Variants in MTMR11 observed in about 807,000 individuals in gnomAD.
MTMR11 encodes myotubularin related protein 11, also known as myotubularin-related protein 11.
Under a neutral mutation model 100.0 loss-of-function variants are expected in MTMR11, and 89 were observed. The ratio of observed to expected loss-of-function variants is 0.89; its 90% CI spans 0.75 to 1.06. The LOEUF (loss-of-function observed/expected upper bound fraction) is 1.06. MTMR11 is among the 50% of genes least tolerant of loss of function. The pLI is 0.00. For synonymous variants in MTMR11, 336 were observed against 326.3 expected (o/e 1.03, Z -0.32); for missense variants, 809 against 873.7 (o/e 0.93, Z 0.93).
chr1:149,936,061 G>A, intron 2 of MTMR11, 93 bp downstream of exon 2: 1 of 1,366,836 alleles, frequency 7.3e-7, no homozygotes, highest in Non-Finnish European at 1.0e-6. Context: ...CGAGCCACGA[G>A]AGGAACACAG....
intron 3 of MTMR11, 61 bp from the exon 4 acceptor site, chr1:149,935,420 G>T: frequency 3.8e-6 from 6 of 1,598,482 alleles, no homozygotes; most frequent in Non-Finnish European, 5.1e-6. Flanking sequence ...TACCCTGGCA[G>T]CCCCAACCCC....
At position 149,935,631 on chromosome 1, in the gene MTMR11, T is replaced by C. The variant is rs782063990; in HGVS notation, c.217A>G (p.Thr73Ala). ...EPELSGTLIC[T>A]NFRVTFQPCG... ...GGCTGGAAGGTGACCCTAAAGTTGG[T>C]ACAGATCAGGGTTCCAGACAATTCT... is the stretch of plus-strand genomic sequence containing the variant. Residue 73 changes from threonine to alanine, a missense_variant, in exon 3 of 17, where the codon ACC (threonine) becomes GCC (alanine). Physicochemically the swap from Thr to Ala is moderately conservative, Grantham distance 58 (BLOSUM62 0). Transcript: ENST00000439741. 6.2e-7 allele frequency: 1 copy of C among 1,614,108 alleles called. No individual in the cohort carries two copies. The highest frequency in any genetic ancestry group is 1.1e-5 in the South Asian group (1 of 91,078).
In MTMR11 at chr1:149,934,226, G is replaced by C. The variant is rs782040590; in HGVS notation, c.648C>G (p.Val216=). Residue 216 remains valine (V), a synonymous_variant, in exon 7 of 17, where the codon GTC becomes GTG. Coordinates refer to ENST00000439741, the MANE Select transcript of MTMR11 (RefSeq NM_001145862.2). ...CGTCGAACCTCTCGTTGACCGTGCTGACCCTCCAGCCTCTGGCTGCCTGCT... is the reference window on the plus strand; with the variant it reads ...CGTCGAACCTCTCGTTGACCGTGCTCACCCTCCAGCCTCTGGCTGCCTGCT... ...RKKQAARGWR[V]STVNERFDVA... 15 of 1,614,078 alleles carry C rather than the reference G, an allele frequency of 9.3e-6. No homozygotes were observed. Among genetic ancestry groups the C allele is most frequent in the Non-Finnish European group, 1.3e-5 (15 of 1,180,058 alleles).
intron 15 of MTMR11, 181 bp downstream of exon 15, chr1:149,930,184 T>C (rs1260196411): frequency 1.4e-6 from 1 of 709,508 alleles, no homozygotes; most frequent in Admixed American, 3.0e-5. Context: ...GGGTGCCCTC[T>C]GTGCTATTCT....
chr1:149,931,289 G>A lies in MTMR11; in HGVS notation c.1261C>T (p.Arg421Trp), dbSNP rs782708821. Residue 421 changes from arginine to tryptophan, a missense_variant, in exon 13 of 17, where the codon CGG becomes TGG. Physicochemically the swap from Arg to Trp is moderately radical, Grantham distance 101 (BLOSUM62 -3). Transcript: ENST00000439741. ...TCACTGGCCCCAGTTCCCCCAAGCC[G>A]AGTCAGGAAGGGATGTCCAGCTGCC... ...WVAAGHPFLT[R>W]LGGTGASEEA... 11 of 1,613,890 alleles carry A rather than the reference G, an allele frequency of 6.8e-6. No homozygotes were observed. The highest frequency in any genetic ancestry group is 5.3e-5 in the African/African-American group (4 of 74,864).
intron 1 of MTMR11, 36 bp downstream of exon 1, chr1:149,936,546 C>A: frequency 7.0e-7 from 1 of 1,428,734 alleles, no homozygotes; most frequent in Non-Finnish European, 9.6e-7. Context: ...CCGTTCTCAC[C>A]CTCTTGCCGA....
chr1:149,930,700 A>G, intron 14 of MTMR11, 92 bp downstream of exon 14: 3 of 1,372,540 alleles, frequency 2.2e-6, no homozygotes, highest in Non-Finnish European at 2.0e-6. Context: ...CCACTCACAG[A>G]CCTCACTTCT....
intron 4 of MTMR11, 64 bp from the exon 5 acceptor site, chr1:149,935,192 C>T (rs2092706830): frequency 6.2e-7 from 1 of 1,607,494 alleles, no homozygotes; most frequent in Admixed American, 1.7e-5. Context: ...GGGACTCTTG[C>T]AGCCCATCCC....
In MTMR11 at chr1:149,936,135, A is replaced by C; in HGVS notation, c.142+19T>G. On this transcript the variant is annotated intron_variant, in intron 2 of 16. Coordinates refer to ENST00000439741, the MANE Select transcript of MTMR11 (RefSeq NM_001145862.2). ...GGATGAAATTTGGAAGTCTTTGGAG[A>C]GTGATAGGGCATTATTACCTGGGAG... 6.2e-7 allele frequency: 1 copy of C among 1,605,984 alleles called. No individual in the cohort carries two copies. The highest frequency in any genetic ancestry group is 8.5e-7 in the Non-Finnish European group (1 of 1,172,652).
At chr1:149,936,472 A>C in intron 1 of MTMR11, 110 bp downstream of exon 1, 2 of 1,290,738 alleles carry the variant, frequency 1.5e-6, no homozygotes, top group Non-Finnish European at 2.1e-6. Context: ...AAGCTGATAG[A>C]CAGACACACC....
chr1:149,934,044 T>A, intron 7 of MTMR11, 102 bp from the exon 8 acceptor site: 1 of 1,545,494 alleles, frequency 6.5e-7, no homozygotes, highest in Non-Finnish European at 8.9e-7. Context: ...TCCAAGGGAT[T>A]TCAGGTTTAG....
At position 149,933,603 on chromosome 1, in the gene MTMR11, C is replaced by T. The variant is rs1553768173; in HGVS notation, c.860+7G>A. 5.0e-6 allele frequency: 8 copies of T among 1,614,186 alleles called. No individual in the cohort carries two copies. The highest frequency in any genetic ancestry group is 1.7e-5 in the Admixed American group (1 of 60,020). On this transcript the variant is annotated splice_region_variant and intron_variant, in intron 9 of 16. Coordinates refer to ENST00000439741, the MANE Select transcript of MTMR11 (RefSeq NM_001145862.2). ...ACCCTTGATTCTTCTCATCAAGCCT[C>T]CCTCACCTGATATCCTCCTTGTTAG... is the stretch of plus-strand genomic sequence containing the variant.
rs144158010 is a variant in MTMR11, at chr1:149,934,476, C to G, written c.519G>C (p.Gln173His). The G allele has an allele frequency of 8.1e-6, 13 of 1,614,108 alleles. No individual in the cohort carries two copies. The highest frequency in any genetic ancestry group is 1.3e-5 in the African/African-American group (1 of 74,932). Residue 173 changes from glutamine to histidine, a missense_variant, in exon 6 of 17, where the codon CAG becomes CAC. Physicochemically the swap from Gln to His is conservative, Grantham distance 24. Transcript: ENST00000439741. ...QARAQSNQAQQYSGITLSKAG... is the reference protein window; with the variant it reads ...QARAQSNQAQHYSGITLSKAG... ...CCTTGCTCAGGGTTATCCCCGAATA[C>G]TGTTGGGCTTGATTGCTCTGAGCTC...
At chr1:149,931,896 G>T in intron 12 of MTMR11, 48 bp downstream of exon 12, 2 of 1,528,134 alleles carry the variant, frequency 1.3e-6, no homozygotes, top group African/African-American at 1.4e-5. Context: ...GGTCAGGTGG[G>T]TAAAGAAAAG....
At position 149,930,465 on chromosome 1, in the gene MTMR11, C is replaced by G; in HGVS notation, c.1547G>C (p.Trp516Ser). The change falls in exon 15 of 17, where the codon TGG becomes TCG. Residue 516 changes from tryptophan to serine, a missense_variant. By Grantham distance (177) the Trp-to-Ser change is radical. Coordinates refer to ENST00000439741, the MANE Select transcript of MTMR11 (RefSeq NM_001145862.2). ...ATTGCTATAACGTAAATCCCAGTCC[C>G]AGACAGACAGCTGCAGGTTAAAAGA... The part of the protein sequence containing the change: ...GNSFNLQLSV[W>S]DWDLRYSNAQ... 1 of 1,614,034 alleles carries G rather than the reference C, an allele frequency of 6.2e-7. No homozygotes were observed. The highest frequency in any genetic ancestry group is 8.5e-7 in the Non-Finnish European group (1 of 1,179,950).
chr1:149,933,722 C>A, intron 8 of MTMR11, 24 bp from the exon 9 acceptor site: 1 of 1,613,746 alleles, frequency 6.2e-7, no homozygotes, highest in Admixed American at 1.7e-5. Context: ...AGAAGAGGGT[C>A]ATTGTGGGAG....
rs781874167 is a variant in MTMR11 at position 149,934,555 on chromosome 1, T to C, written c.469-29A>G. ...CAGAGGAAAGGACATTCCATCCTTT[T>C]GGCTTAGGCTGAGTAAGTGAAAAGA... On this transcript the variant is annotated intron_variant, in intron 5 of 16. Transcript: ENST00000439741. The C allele has an allele frequency of 5.0e-6, 8 of 1,605,788 alleles. No homozygotes were observed. The Admixed American group carries it at 1.3e-4, about 27-fold the overall frequency.
chr1:149,933,236 G>A (rs587609129), intron 10 of MTMR11, among the ~76,000 whole-genome samples, 170 bp downstream of exon 10: 6 of 152,066 alleles, frequency 3.9e-5, no homozygotes, highest in South Asian at 2.1e-4. Context: ...GATTACAAGC[G>A]TGAGCCACCA....
chr1:149,932,173 G>T, intron 11 of MTMR11, 91 bp downstream of exon 11: 1 of 1,438,216 alleles, frequency 7.0e-7, no homozygotes, highest in South Asian at 1.2e-5. Context: ...CCGAGGAGAA[G>T]AACTAAAGAA....
Sources: gnomAD v4.1 joint callset for allele counts (sites outside exome capture counted in the v4.1 genomes callset) on GRCh38, gnomAD v4.1.1 for gene constraint, MANE v1.5 for transcripts, NCBI Gene and HGNC (gene_info 2026-07-23, HGNC 2026-07-21) for gene names.